Variants in SLC15A1 observed in about 807,000 individuals in gnomAD.
SLC15A1 encodes Caco-2 oligopeptide transporter.
SLC15A1 carries 83 observed loss-of-function variants against 92.9 expected under a neutral mutation model. That is an observed-to-expected ratio of 0.89 (90% CI 0.75 to 1.07). The LOEUF (loss-of-function observed/expected upper bound fraction) is 1.07, where lower values mean the gene tolerates loss of function less well. SLC15A1 is among the 50% of genes least tolerant of loss of function. The pLI, the probability that SLC15A1 is intolerant of heterozygous loss-of-function variation, is 0.00. For synonymous variants in SLC15A1, 322 were observed against 318.2 expected, an observed-to-expected ratio of 1.01 and a Z score of -0.13; for missense variants, 857 against 880.1, an observed-to-expected ratio of 0.97 and a Z score of 0.33.
chr13:98,713,860 A>C (rs1720995825), intron 9 of SLC15A1, among the ~76,000 whole-genome samples: 1 of 152,112 alleles, frequency 6.6e-6, no homozygotes, highest in Admixed American at 6.6e-5. Flanking sequence ...CATCCTAGCC[A>C]ACATAGCAAA....
intron 5 of SLC15A1, 22 bp downstream of exon 5, chr13:98,723,890 G>C: frequency 6.2e-7 from 1 of 1,613,858 alleles, no homozygotes; most frequent in Non-Finnish European, 8.5e-7. Context: ...GGTGATGGGG[G>C]CAGCAGTGAG....
At chr13:98,743,913 CA>C (rs1455557779) in intron 1 of SLC15A1, among the ~76,000 whole-genome samples, 2 of 152,216 alleles carry the variant, frequency 1.3e-5, no homozygotes, top group East Asian at 1.9e-4. Flanking sequence ...AAGCAGATAC[CA>C]GCCTCCGGGA....
At chr13:98,748,708 G>A (rs1437595571) in intron 1 of SLC15A1, among the ~76,000 whole-genome samples, 1 of 152,112 alleles carries the variant, frequency 6.6e-6, no homozygotes, top group Non-Finnish European at 1.5e-5. Flanking sequence ...GGCCCAGACT[G>A]TACTAGACCT....
At chr13:98,738,839 C>T (rs564379426) in intron 1 of SLC15A1, among the ~76,000 whole-genome samples, 1 of 152,328 alleles carries the variant, frequency 6.6e-6, no homozygotes, top group South Asian at 2.1e-4. Context: ...GAGAAGAAGG[C>T]CATCATCCTC....
intron 1 of SLC15A1, among the ~76,000 whole-genome samples, chr13:98,738,572 G>C (rs1198387479): frequency 6.6e-6 from 1 of 152,284 alleles, no homozygotes; most frequent in Non-Finnish European, 1.5e-5. Context: ...TGCTGCTTCA[G>C]AGGGTGCAAG....
chr13:98,744,408 G>C (rs1381584303), intron 1 of SLC15A1, among the ~76,000 whole-genome samples: 2 of 150,740 alleles, frequency 1.3e-5, no homozygotes, highest in Admixed American at 1.3e-4. Flanking sequence ...TAAGTATGAC[G>C]TTAGGGTATA....
At chr13:98,716,428 C>A (rs193200493) in intron 8 of SLC15A1, among the ~76,000 whole-genome samples, 1 of 152,120 alleles carries the variant, frequency 6.6e-6, no homozygotes, top group East Asian at 1.9e-4. Flanking sequence ...TTGAGACCAG[C>A]CTGACCAACA....
At chr13:98,746,195 G>C (rs2088491653) in intron 1 of SLC15A1, among the ~76,000 whole-genome samples, 2 of 152,188 alleles carry the variant, frequency 1.3e-5, no homozygotes, top group South Asian at 4.1e-4. Flanking sequence ...TCCTATAAAG[G>C]ACATGATCTT....
Position 98,684,545 on chromosome 13 carries a change from C to CAAAAAAAAA in SLC15A1, c.*170_*178dup, listed in dbSNP as rs4646233. 47 of 193,296 alleles carry CAAAAAAAAA rather than the reference C, an allele frequency of 2.4e-4. No homozygotes were observed. Among genetic ancestry groups the CAAAAAAAAA allele is most frequent in the Admixed American group, 3.5e-4 (4 of 11,324 alleles). 12.0% of individuals were successfully genotyped at this position (193,296 alleles called of 1,614,324 possible). ...GGACAACAAGAGCAAAACTCTGTCT[C>CAAAAAAAAA]AAAAAAAAAAAAAAAAAAAAAAAGA... On this transcript the variant is annotated 3_prime_UTR_variant, in exon 23 of 23. Transcript: ENST00000376503.
intron 1 of SLC15A1, among the ~76,000 whole-genome samples, chr13:98,738,386 C>G (rs1318933582): frequency 6.6e-6 from 1 of 152,252 alleles, no homozygotes; most frequent in Non-Finnish European, 1.5e-5. Context: ...TAAGGAATTT[C>G]AGAGACCTTC....
Position 98,715,953 on chromosome 13 carries a change from A to G in SLC15A1, c.648T>C (p.Phe216=). ...AALMAVALIV[F]VLGSGMYKKF... is the part of the protein sequence containing the mutation. ...TCTTGTACATCCCACTGCCAAGGAC[A>G]AACACAACTAGATAGGGCAGAAGAA... is the stretch of plus-strand genomic sequence containing the variant. The change falls in exon 9 of 23, where the codon TTT becomes TTC. Residue 216 remains phenylalanine (F), a synonymous_variant. Coordinates refer to ENST00000376503, the MANE Select transcript of SLC15A1 (RefSeq NM_005073.4). 2 of 1,614,110 alleles carry G rather than the reference A, an allele frequency of 1.2e-6. No homozygotes were observed. Among genetic ancestry groups the G allele is most frequent in the Non-Finnish European group, 1.7e-6 (2 of 1,179,962 alleles).
At chr13:98,720,756 A>G (rs2088250509) in intron 7 of SLC15A1, 1 of 230,794 alleles carries the variant, frequency 4.3e-6, no homozygotes, top group African/African-American at 2.3e-5. Context: ...AGCAAAGAAA[A>G]AAACTTTGCC....
intron 16 of SLC15A1, 139 bp downstream of exon 16, chr13:98,705,995 C>G (rs1459721165): frequency 1.2e-6 from 1 of 831,242 alleles, no homozygotes; most frequent in South Asian, 1.9e-5. Flanking sequence ...AGAATATAGC[C>G]AACATGAGAT....
In SLC15A1 at chr13:98,743,664, G is replaced by T. The variant is rs2088467095; in HGVS notation, c.4+8931C>A. Among the ~76,000 whole-genome samples the T allele has an allele frequency of 3.9e-5, 6 of 152,104 alleles. No individual in the cohort carries two copies. The South Asian group carries it at 1.2e-3, about 32-fold the overall frequency. On this transcript the variant is annotated intron_variant, in intron 1 of 22. Coordinates refer to ENST00000376503, the MANE Select transcript of SLC15A1 (RefSeq NM_005073.4). ...CCTCAGGTAGAGGCCGGGTAGTCAGGTGAGATGATTTTCCTGGCTGTTAGT... is the reference window on the plus strand; with the variant it reads ...CCTCAGGTAGAGGCCGGGTAGTCAGTTGAGATGATTTTCCTGGCTGTTAGT...
intron 1 of SLC15A1, among the ~76,000 whole-genome samples, chr13:98,740,774 G>A (rs372607956): frequency 6.6e-6 from 1 of 152,172 alleles, no homozygotes; most frequent in Admixed American, 6.5e-5. Flanking sequence ...TGAGGACAGG[G>A]GTGGGGTGGT....
intron 22 of SLC15A1, 126 bp downstream of exon 22, chr13:98,686,064 T>C: frequency 1.4e-6 from 1 of 693,570 alleles, no homozygotes; most frequent in Non-Finnish European, 2.6e-6. Context: ...CTGGCTGGTC[T>C]GGCAGTTTAA....
At chr13:98,685,917 C>T (rs1398230622) in intron 22 of SLC15A1, among the ~76,000 whole-genome samples, 9 of 150,286 alleles carry the variant, frequency 6.0e-5, no homozygotes, top group African/African-American at 2.0e-4. Flanking sequence ...ACCCGAGAGG[C>T]GGAGGTTGCA....
chr13:98,752,440 C>T (rs1594016505), intron 1 of SLC15A1, among the ~76,000 whole-genome samples, 155 bp downstream of exon 1: 1 of 152,100 alleles, frequency 6.6e-6, no homozygotes. Context: ...GAGGGGATCC[C>T]GGGCGCCCCG....
At chr13:98,698,168 A>C (rs1173793055) in intron 18 of SLC15A1, among the ~76,000 whole-genome samples, 1 of 152,224 alleles carries the variant, frequency 6.6e-6, no homozygotes, top group Non-Finnish European at 1.5e-5. Context: ...CTGGATAGTC[A>C]AGACATTTTC....
Sources: gnomAD v4.1 joint callset for allele counts (sites outside exome capture counted in the v4.1 genomes callset) on GRCh38, gnomAD v4.1.1 for gene constraint, MANE v1.5 for transcripts, NCBI Gene and HGNC (gene_info 2026-07-23, HGNC 2026-07-21) for gene names.